Variants in NUP210 observed in about 807,000 individuals in gnomAD.
NUP210 encodes the protein nuclear pore membrane glycoprotein 210.
A neutral mutation model predicts 196.0 loss-of-function variants in NUP210; 151 were observed. The ratio of observed to expected loss-of-function variants is 0.77; its 90% CI spans 0.67 to 0.88. The LOEUF (loss-of-function observed/expected upper bound fraction) is 0.88, where lower values mean the gene tolerates loss of function less well. Among genes scored for constraint, NUP210 ranks in the 40% least tolerant of loss-of-function variants. NUP210 has a pLI of 0.00. For missense variants in NUP210, 2,314 were observed against 2,493.7 expected, an observed-to-expected ratio of 0.93 and a Z score of 1.53; for synonymous variants, 1,070 against 1,052.7, an observed-to-expected ratio of 1.02 and a Z score of -0.32.
intron 2 of NUP210, among the ~76,000 whole-genome samples, chr3:13,399,195 G>T (rs146654142): frequency 6.0e-5 from 9 of 151,070 alleles, no homozygotes; most frequent in African/African-American, 2.0e-4. Context: ...GAACCCAGGA[G>T]GCGGAGGTTG....
intron 1 of NUP210, among the ~76,000 whole-genome samples, chr3:13,418,956 AAAAAAAAAAAAAAAAAAG>A (rs1700438651): frequency 8.6e-6 from 1 of 115,682 alleles, no homozygotes; most frequent in Admixed American, 8.5e-5. Context: ...CTCAAAAAAA[AAAAAAAAAAAAAAAAAAG>A]AAAGAAAGAA....
At chr3:13,317,812 C>G in intron 39 of NUP210, 31 bp from the exon 40 acceptor site, 1 of 1,495,164 alleles carries the variant, frequency 6.7e-7, no homozygotes, top group Admixed American at 1.8e-5. Context: ...ATGTTAGCAG[C>G]AGAGCCAGGG....
intron 20 of NUP210, 110 bp from the exon 21 acceptor site, chr3:13,343,413 C>G: frequency 1.5e-6 from 2 of 1,374,112 alleles, no homozygotes; most frequent in Non-Finnish European, 2.0e-6. Flanking sequence ...CAGCCTATCA[C>G]CTCATGGGAT....
chr3:13,366,516 C>CTTT lies in NUP210; in HGVS notation c.1787-428_1787-426dup, dbSNP rs58529748. Among the ~76,000 whole-genome samples the CTTT allele has an allele frequency of 7.1e-4, 79 of 110,814 alleles. 2 individuals carry two copies. Among genetic ancestry groups the CTTT allele is most frequent in the African/African-American group, 2.1e-3 (59 of 27,820 alleles). The allele number at this position is 110,814 out of a possible 152,430, so 72.7% of individuals were successfully genotyped here. ...GCTTGATCCTTGATCTGATTTCTTT[C>CTTT]TTTTTTTTTTTTTTTTTTTGAGATA... On this transcript the variant is annotated intron_variant, in intron 13 of 39. Transcript: ENST00000254508.
intron 1 of NUP210, among the ~76,000 whole-genome samples, chr3:13,412,815 CA>C (rs1559351983): frequency 6.7e-6 from 1 of 149,836 alleles, no homozygotes; most frequent in South Asian, 2.1e-4. Context: ...ACTAAAAATA[CA>C]AAAAATTAGC....
intron 3 of NUP210, among the ~76,000 whole-genome samples, chr3:13,394,510 G>A (rs1342713225): frequency 6.6e-6 from 1 of 152,244 alleles, no homozygotes; most frequent in African/African-American, 2.4e-5. Context: ...GTAGGAGACA[G>A]GCAGTGCATC....
intron 1 of NUP210, among the ~76,000 whole-genome samples, chr3:13,419,527 T>C (rs555640633): frequency 6.6e-6 from 1 of 152,278 alleles, no homozygotes; most frequent in East Asian, 1.9e-4. Flanking sequence ...TTCGCCTCTG[T>C]AAAGCGGCCC....
At chr3:13,366,129 C>T (rs367675079) in intron 13 of NUP210, 38 bp from the exon 14 acceptor site, 29 of 1,595,628 alleles carry the variant, frequency 1.8e-5, no homozygotes, top group Non-Finnish European at 2.0e-5. Flanking sequence ...ACCCTGAAAT[C>T]ACTTTTTTCT....
At chr3:13,353,478 C>A in intron 18 of NUP210, 76 bp downstream of exon 18, 2 of 1,212,912 alleles carry the variant, frequency 1.6e-6, no homozygotes, top group South Asian at 2.4e-5. Context: ...ACTGTGATAC[C>A]CGGTGGAATT....
At position 13,328,832 on chromosome 3, in the gene NUP210, G is replaced by A; in HGVS notation, c.4225C>T (p.His1409Tyr). Residue 1409 changes from histidine to tyrosine, a missense_variant, in exon 31 of 40, where the codon CAC becomes TAC. Transcript: ENST00000254508. Reference sequence around the variant, plus strand: ...TGGAAGACATCTCCAGAGTTGTCGTGGAAGTGGACAGTGAAGGTCACGGTC... The same window carrying A: ...TGGAAGACATCTCCAGAGTTGTCGTAGAAGTGGACAGTGAAGGTCACGGTC... ...GMTVTFTVHFHDNSGDVFHAH... is the reference protein window; with the variant it reads ...GMTVTFTVHFYDNSGDVFHAH... The A allele has an allele frequency of 6.2e-7, 1 of 1,614,186 alleles. No individual in the cohort carries two copies. Among genetic ancestry groups the A allele is most frequent in the Non-Finnish European group, 8.5e-7 (1 of 1,180,010 alleles).
rs370295690 is a variant in NUP210 at position 13,323,467 on chromosome 3, C to T, written c.4645-35G>A. 1.4e-5 allele frequency: 22 copies of T among 1,612,002 alleles called. No individual in the cohort carries two copies. The highest frequency in any genetic ancestry group is 2.7e-5 in the African/African-American group (2 of 74,832). On this transcript the variant is annotated intron_variant, in intron 33 of 39. Coordinates refer to ENST00000254508, the MANE Select transcript of NUP210 (RefSeq NM_024923.4). This position sits in a 1 kb window ranked among gnomAD's most constrained non-coding sequence, Gnocchi z 4.3. ...GAGCCAAGGAAGCTTCATGGAGCGC[C>T]GCCTGTGTCCCGGTCCATGCTGGGC...
rs1559315504 is a variant in NUP210, at chr3:13,339,778, G to C, written c.3471+76C>G. Reference sequence around the variant, plus strand: ...CACCCTTGGAGAGGGGTGGTCCTCAGAGGTAGAACTCAAACACAGTAAAGA... The same window carrying C: ...CACCCTTGGAGAGGGGTGGTCCTCACAGGTAGAACTCAAACACAGTAAAGA... On this transcript the variant is annotated intron_variant, in intron 25 of 39. Transcript: ENST00000254508. The C allele has an allele frequency of 7.4e-7, 1 of 1,344,828 alleles. No homozygotes were observed. The highest frequency in any genetic ancestry group is 2.3e-5 in the East Asian group (1 of 43,602). 83.3% of individuals were successfully genotyped at this position (1,344,828 alleles called of 1,614,324 possible).
chr3:13,393,594 C>T (rs558120457), intron 3 of NUP210, among the ~76,000 whole-genome samples: 13 of 152,310 alleles, frequency 8.5e-5, no homozygotes, highest in Non-Finnish European at 1.5e-5. Context: ...CTTTCTCTCC[C>T]GCCAGCTGCT....
chr3:13,328,455 G>T (rs886124519), intron 31 of NUP210, among the ~76,000 whole-genome samples: 1 of 152,220 alleles, frequency 6.6e-6, no homozygotes, highest in African/African-American at 2.4e-5. Flanking sequence ...ACACAACTGT[G>T]GCAGGACCTG....
At chr3:13,402,918 C>T (rs1004700956) in intron 1 of NUP210, among the ~76,000 whole-genome samples, 2 of 151,986 alleles carry the variant, frequency 1.3e-5, no homozygotes, top group Admixed American at 1.3e-4. Flanking sequence ...TCAGAACACT[C>T]GCAGCTGACA....
In NUP210 at chr3:13,354,046, C is replaced by T. The variant is rs778173326; in HGVS notation, c.2390G>A (p.Arg797His). Residue 797 changes from arginine (R) to histidine (H), a missense_variant, in exon 17 of 40, where the codon CGC becomes CAC. Coordinates refer to ENST00000254508, the MANE Select transcript of NUP210 (RefSeq NM_024923.4). ...LDLAAYDQEGRRFDNFSSLSI... is the reference protein window; with the variant it reads ...LDLAAYDQEGHRFDNFSSLSI... The stretch of plus-strand genomic sequence containing the variant: ...CAGAGAGCTGAAGTTGTCGAACCGG[C>T]GGCCCTCCTGGTCGTAAGCAGCCAG... 3.7e-6 allele frequency: 6 copies of T among 1,606,034 alleles called. No individual in the cohort carries two copies. Among genetic ancestry groups the T allele is most frequent in the South Asian group, 1.1e-5 (1 of 89,492 alleles).
chr3:13,333,397 C>T (rs1173665746), intron 28 of NUP210, among the ~76,000 whole-genome samples: 1 of 152,210 alleles, frequency 6.6e-6, no homozygotes, highest in Non-Finnish European at 1.5e-5. Context: ...TCTGATCAGA[C>T]CAGGTGGACA....
At chr3:13,410,917 CAAAA>C (rs35395985) in intron 1 of NUP210, among the ~76,000 whole-genome samples, 1 of 77,462 alleles carries the variant, frequency 1.3e-5, no homozygotes. Context: ...GACTCTGTCT[CAAAA>C]AAAAAAAAAA....
chr3:13,418,727 G>A (rs918231898), intron 1 of NUP210, among the ~76,000 whole-genome samples: 2 of 151,980 alleles, frequency 1.3e-5, no homozygotes, highest in Non-Finnish European at 2.9e-5. Flanking sequence ...GGCGGAAGTT[G>A]CAGTGGACAG....
Sources: gnomAD v4.1 joint callset for allele counts (sites outside exome capture counted in the v4.1 genomes callset) on GRCh38, gnomAD v4.1.1 for gene constraint, Gnocchi (gnomAD v3.1) non-coding constraint, MANE v1.5 for transcripts, NCBI Gene and HGNC (gene_info 2026-07-23, HGNC 2026-07-21) for gene names.